SETD2: variants seen among roughly 807,000 people sequenced by gnomAD.
SETD2 encodes histone-lysine N-methyltransferase SETD2.
In SETD2, 31 loss-of-function variants were observed where a neutral mutation model predicts 242.1. The observed-to-expected ratio is 0.13, with a 90% CI of 0.10 to 0.17. The LOEUF (loss-of-function observed/expected upper bound fraction) is 0.17, where lower values mean the gene tolerates loss of function less well. Among genes scored for constraint, SETD2 ranks in the 10% least tolerant of loss-of-function variants. The pLI is 1.00. For synonymous variants in SETD2, 1,006 were observed against 1,066.5 expected (o/e 0.94, Z 1.11); for missense variants, 2,481 against 3,046.3 (o/e 0.81, Z 4.37).
chr3:47,080,921 A>G (rs775745302), intron 12 of SETD2: 2 of 986,818 alleles, frequency 2.0e-6, no homozygotes, highest in African/African-American at 3.5e-5. Context: ...TTCACCTATT[A>G]TATTTTTCAT....
intron 10 of SETD2, among the ~76,000 whole-genome samples, chr3:47,087,707 C>A (rs1409539910): frequency 6.6e-6 from 1 of 152,186 alleles, no homozygotes; most frequent in Non-Finnish European, 1.5e-5. Context: ...TGGCTCACGC[C>A]TGTAATCCCA....
upstream of SETD2, chr3:47,164,587 T>A (rs1414304298): frequency 6.6e-6 from 1 of 152,342 alleles, no homozygotes; most frequent in African/African-American, 2.4e-5. This position sits in a 1 kb window ranked among gnomAD's most constrained non-coding sequence, Gnocchi z 5.4. Flanking sequence ...CCCAGGCCTC[T>A]GGGCTCTGAG....
chr3:47,101,543 C>T lies in SETD2; in HGVS notation c.4930G>A (p.Gly1644Arg), dbSNP rs2042210578. ...GTAAAAAACCCAACCCTCAGTTGTC[C>T]GTTCACAGTCCACTGAGATGATGTT... is the stretch of plus-strand genomic sequence containing the variant. Reference protein sequence around the residue: ...NCETQKWTVNGQLRVGFFTTK... With the variant: ...NCETQKWTVNRQLRVGFFTTK... The change falls in exon 8 of 21, where the codon GGA (glycine) becomes AGA (arginine). Residue 1644 changes from glycine (G) to arginine (R), a missense_variant. Gly to Arg is a moderately radical substitution (Grantham distance 125). Transcript: ENST00000409792. 1.2e-6 allele frequency: 2 copies of T among 1,607,942 alleles called. No individual in the cohort carries two copies. Among genetic ancestry groups the T allele is most frequent in the Non-Finnish European group, 1.7e-6 (2 of 1,175,080 alleles).
At chr3:47,143,019 T>C (rs934781142) in intron 1 of SETD2, among the ~76,000 whole-genome samples, 4 of 151,986 alleles carry the variant, frequency 2.6e-5, no homozygotes, top group Non-Finnish European at 5.9e-5. Flanking sequence ...GGGCTGGGCA[T>C]GGTGGGTCAC....
intron 2 of SETD2, 132 bp downstream of exon 2, chr3:47,126,516 T>G (rs1320606468): frequency 2.0e-6 from 1 of 501,346 alleles, no homozygotes; most frequent in Non-Finnish European, 3.5e-6. Context: ...AAAACAAAAT[T>G]AAAAACTATT....
chr3:47,073,233 G>A (rs567114773), intron 12 of SETD2, among the ~76,000 whole-genome samples: 17 of 152,030 alleles, frequency 1.1e-4, no homozygotes, highest in African/African-American at 4.1e-4. Flanking sequence ...TGGATAAAAA[G>A]AAAGTAGAAA....
At chr3:47,051,756 A>G (rs919710412) in intron 15 of SETD2, among the ~76,000 whole-genome samples, 1 of 152,172 alleles carries the variant, frequency 6.6e-6, no homozygotes, top group African/African-American at 2.4e-5. Context: ...CCAGGGTAAA[A>G]CATGTTATTT....
In SETD2 at chr3:47,062,418, C is replaced by T. The variant is rs889092811; in HGVS notation, c.6110-72G>A. On this transcript the variant is annotated intron_variant, in intron 13 of 20. Coordinates refer to ENST00000409792, the MANE Select transcript of SETD2 (RefSeq NM_014159.7). ...TTTGGTGGACTTTTCTCCATCATGA[C>T]AATGTATCAACTGTATAATAAAACT... 2.2e-6 allele frequency: 3 copies of T among 1,347,902 alleles called. No individual in the cohort carries two copies. The African/African-American group carries it at 4.4e-5, about 20-fold the overall frequency. The allele number at this position is 1,347,902 out of a possible 1,614,324, so 83.5% of individuals were successfully genotyped here.
intron 9 of SETD2, among the ~76,000 whole-genome samples, chr3:47,092,291 A>C (rs557317994): frequency 6.6e-6 from 1 of 152,228 alleles, no homozygotes; most frequent in African/African-American, 2.4e-5. Flanking sequence ...CATAGCAATC[A>C]ATTGTGCAAT....
chr3:47,038,530 A>T (rs915065914), intron 17 of SETD2, among the ~76,000 whole-genome samples: 4 of 151,982 alleles, frequency 2.6e-5, no homozygotes, highest in Admixed American at 1.3e-4. Context: ...CAGTAGAATA[A>T]CTTCAACCTG....
At chr3:47,065,712 A>G (rs752202084) in intron 13 of SETD2, among the ~76,000 whole-genome samples, 7 of 152,230 alleles carry the variant, frequency 4.6e-5, no homozygotes, top group Non-Finnish European at 1.0e-4. Context: ...CTGAGGCAAG[A>G]GGATTGCCTG....
intron 1 of SETD2, among the ~76,000 whole-genome samples, chr3:47,158,646 G>C (rs1168783681): frequency 1.3e-5 from 2 of 152,160 alleles, no homozygotes; most frequent in Non-Finnish European, 2.9e-5. Context: ...GTATGTGTTA[G>C]TAGACTATGT....
intron 1 of SETD2, among the ~76,000 whole-genome samples, chr3:47,133,662 G>A (rs1490434570): frequency 6.6e-6 from 1 of 152,170 alleles, no homozygotes; most frequent in African/African-American, 2.4e-5. Context: ...GAACCCAGGA[G>A]GCAGAGGTTG....
At chr3:47,078,330 T>C (rs1457263406) in intron 12 of SETD2, among the ~76,000 whole-genome samples, 1 of 152,100 alleles carries the variant, frequency 6.6e-6, no homozygotes, top group African/African-American at 2.4e-5. Context: ...CAAAAAAATG[T>C]ATACCTGAAT....
intron 5 of SETD2, among the ~76,000 whole-genome samples, chr3:47,110,014 CA>C (rs1482615032): frequency 2.0e-5 from 3 of 150,026 alleles, no homozygotes; most frequent in African/African-American, 7.3e-5. Context: ...CTCATTTGCC[CA>C]AATGTCCATC....
chr3:47,101,182 G>C (rs2042198038), intron 8 of SETD2, among the ~76,000 whole-genome samples: 1 of 151,964 alleles, frequency 6.6e-6, no homozygotes, highest in African/African-American at 2.4e-5. Context: ...AAAAGAGTTG[G>C]CATGTCTAAA....
chr3:47,161,912 A>T, intron 1 of SETD2, among the ~76,000 whole-genome samples: 1 of 141,912 alleles, frequency 7.0e-6, no homozygotes, highest in Admixed American at 7.1e-5. Flanking sequence ...CCCTGCCTCT[A>T]AAAAAAAAAA....
At chr3:47,100,377 C>G (rs1264465102) in intron 8 of SETD2, among the ~76,000 whole-genome samples, 1 of 152,170 alleles carries the variant, frequency 6.6e-6, no homozygotes, top group Non-Finnish European at 1.5e-5. Flanking sequence ...TCTCCTGCCT[C>G]AGCCTCCAGA....
chr3:47,123,858 A>T lies in SETD2; in HGVS notation c.778T>A (p.Ser260Thr), dbSNP rs2106714017. The T allele has an allele frequency of 6.4e-7, 1 of 1,550,948 alleles. No individual in the cohort carries two copies. Among genetic ancestry groups the T allele is most frequent in the Non-Finnish European group, 8.7e-7 (1 of 1,146,096 alleles). ...GTTACGTGTTCTTCTAAACTATTAG[A>T]TATAGTGTCCTGCTTAGTATCTGCT... ...LEADTKQDTI[S>T]NSLEEHVTQI... The change falls in exon 3 of 21, where the codon TCT (serine) becomes ACT (threonine). Residue 260 changes from serine to threonine, a missense_variant. Ser to Thr is a moderately conservative substitution (Grantham distance 58). Coordinates refer to ENST00000409792, the MANE Select transcript of SETD2 (RefSeq NM_014159.7).
Sources: gnomAD v4.1 joint callset for allele counts (sites outside exome capture counted in the v4.1 genomes callset) on GRCh38, gnomAD v4.1.1 for gene constraint, Gnocchi (gnomAD v3.1) non-coding constraint, MANE v1.5 for transcripts, NCBI Gene and HGNC (gene_info 2026-07-23, HGNC 2026-07-21) for gene names.